CCSER1: variants seen among roughly 807,000 people sequenced by gnomAD.
CCSER1 encodes coiled-coil serine rich protein 1.
CCSER1 carries 41 observed loss-of-function variants against 82.0 expected under a neutral mutation model. The observed-to-expected ratio is 0.50, with a 90% CI of 0.39 to 0.65. CCSER1 has a LOEUF of 0.65. CCSER1 is among the 30% of genes least tolerant of loss of function. The pLI, the probability that CCSER1 is intolerant of heterozygous loss-of-function variation, is 0.00. For synonymous variants in CCSER1, 414 were observed against 383.9 expected (o/e 1.08, Z -0.92); for missense variants, 1,119 against 1,064.2 (o/e 1.05, Z -0.72).
At chr4:90,514,784 C>T (rs932691948) in intron 5 of CCSER1, among the ~76,000 whole-genome samples, 1 of 151,534 alleles carries the variant, frequency 6.6e-6, no homozygotes, top group African/African-American at 2.4e-5. Context: ...ATATTTTAAA[C>T]CTTTATAATA....
At chr4:90,517,460 T>TATC (rs2153621744) in intron 5 of CCSER1, among the ~76,000 whole-genome samples, 1 of 152,142 alleles carries the variant, frequency 6.6e-6, no homozygotes, top group African/African-American at 2.4e-5. Context: ...TAGATAGGTG[T>TATC]TGGTGCCACA....
chr4:90,358,310 T>G (rs1328172961), intron 3 of CCSER1, among the ~76,000 whole-genome samples: 2 of 152,122 alleles, frequency 1.3e-5, no homozygotes, highest in African/African-American at 2.4e-5. Flanking sequence ...AAAGTGCTTC[T>G]GTCTCTAGTC....
At chr4:90,645,657 TGG>T (rs1199582932) in intron 6 of CCSER1, among the ~76,000 whole-genome samples, 1 of 152,230 alleles carries the variant, frequency 6.6e-6, no homozygotes, top group Non-Finnish European at 1.5e-5. Context: ...TCTTGGTTTA[TGG>T]TTTTGACACA....
chr4:91,215,023 G>A (rs2076255411), intron 10 of CCSER1, among the ~76,000 whole-genome samples: 1 of 151,880 alleles, frequency 6.6e-6, no homozygotes, highest in South Asian at 2.1e-4. Flanking sequence ...TAGAAGTTAA[G>A]GGATCTATTG....
At chr4:90,978,646 A>C (rs1735825717) in intron 9 of CCSER1, among the ~76,000 whole-genome samples, 1 of 151,810 alleles carries the variant, frequency 6.6e-6, no homozygotes. Flanking sequence ...TTGAAATTGC[A>C]ATCTCAAAAT....
intron 7 of CCSER1, among the ~76,000 whole-genome samples, chr4:90,810,784 G>T (rs1257749270): frequency 6.6e-6 from 1 of 151,720 alleles, no homozygotes; most frequent in Non-Finnish European, 1.5e-5. Context: ...AAAGGGGTGT[G>T]CCACTTGGCC....
intron 10 of CCSER1, among the ~76,000 whole-genome samples, chr4:91,387,970 C>T (rs1751407596): frequency 6.6e-6 from 1 of 152,002 alleles, no homozygotes; most frequent in Non-Finnish European, 1.5e-5. Flanking sequence ...GACAGCAATT[C>T]TAATAAAGTA....
At chr4:91,350,266 T>G (rs2149298924) in intron 10 of CCSER1, among the ~76,000 whole-genome samples, 1 of 152,316 alleles carries the variant, frequency 6.6e-6, no homozygotes, top group South Asian at 2.1e-4. Flanking sequence ...GCATTTTGTG[T>G]TAATTCTTCT....
chr4:91,290,749 T>C (rs1443960005), intron 10 of CCSER1, among the ~76,000 whole-genome samples: 2 of 151,956 alleles, frequency 1.3e-5, no homozygotes, highest in Non-Finnish European at 2.9e-5. Flanking sequence ...CAACATTAAT[T>C]TTACATTGTC....
At position 91,266,400 on chromosome 4, in the gene CCSER1, C is replaced by T. The variant is rs181541010; in HGVS notation, c.2217+180406C>T. Among the ~76,000 whole-genome samples, 267 of 151,992 alleles carry T rather than the reference C, an allele frequency of 1.8e-3. 2 individuals carry two copies. The highest frequency in any genetic ancestry group is 5.9e-3 in the African/African-American group (246 of 41,464). ...CCGAGTAGCTGGGACTACAGGTGCC[C>T]GCCACCATGCCCTGCTAATTTTTTG... On this transcript the variant is annotated intron_variant, in intron 10 of 10. Coordinates refer to ENST00000509176, the MANE Select transcript of CCSER1 (RefSeq NM_001145065.2).
At chr4:90,278,487 T>C (rs780540654) in intron 1 of CCSER1, among the ~76,000 whole-genome samples, 1 of 152,106 alleles carries the variant, frequency 6.6e-6, no homozygotes, top group Non-Finnish European at 1.5e-5. Flanking sequence ...CATGGAATAC[T>C]ATGCAGCCAT....
At chr4:91,020,616 C>G (rs552360825) in intron 9 of CCSER1, among the ~76,000 whole-genome samples, 2 of 151,946 alleles carry the variant, frequency 1.3e-5, no homozygotes, top group African/African-American at 4.8e-5. Flanking sequence ...GAGCCGAGAT[C>G]GCGCCACTGC....
intron 5 of CCSER1, among the ~76,000 whole-genome samples, chr4:90,602,887 C>A (rs60035432): frequency 0.088 from 13,454 of 152,174 alleles, 777 homozygotes; most frequent in East Asian, 0.17. Flanking sequence ...TTACCCCGAT[C>A]AGGAAACAAA....
At chr4:90,800,212 A>G (rs1049317605) in intron 7 of CCSER1, among the ~76,000 whole-genome samples, 2 of 152,180 alleles carry the variant, frequency 1.3e-5, no homozygotes, top group East Asian at 3.9e-4. Flanking sequence ...CATGCTTCAT[A>G]ACAGAAAGGA....
At chr4:91,024,809 T>G (rs1190675154) in intron 9 of CCSER1, among the ~76,000 whole-genome samples, 1 of 152,116 alleles carries the variant, frequency 6.6e-6, no homozygotes, top group Non-Finnish European at 1.5e-5. Context: ...ATGAAGACTT[T>G]CAGAAATAAG....
intron 10 of CCSER1, among the ~76,000 whole-genome samples, chr4:91,094,211 C>T (rs1046596331): frequency 7.9e-5 from 12 of 152,106 alleles, no homozygotes; most frequent in Admixed American, 5.2e-4. Flanking sequence ...CTGGAGGTCT[C>T]GAGCCAACAC....
intron 10 of CCSER1, among the ~76,000 whole-genome samples, chr4:91,438,821 C>G (rs988250285): frequency 2.0e-5 from 3 of 152,106 alleles, no homozygotes; most frequent in African/African-American, 7.2e-5. Flanking sequence ...GGCTCGAGAA[C>G]TACGTGAAGA....
At chr4:90,716,124 A>G (rs943320468) in intron 6 of CCSER1, among the ~76,000 whole-genome samples, 1 of 151,510 alleles carries the variant, frequency 6.6e-6, no homozygotes. Flanking sequence ...ATATTTTTCT[A>G]TTTTTAACCA....
intron 1 of CCSER1, among the ~76,000 whole-genome samples, chr4:90,204,197 T>C (rs1481454216): frequency 1.3e-5 from 2 of 152,362 alleles, no homozygotes; most frequent in East Asian, 3.9e-4. Flanking sequence ...TTAGTTTAAT[T>C]AGATCCCATT....
Sources: allele counts gnomAD v4.1 joint callset (sites outside exome capture counted in the v4.1 genomes callset), GRCh38; gene constraint gnomAD v4.1.1; transcripts MANE v1.5; gene names NCBI Gene and HGNC (gene_info 2026-07-23, HGNC 2026-07-21).